Variants in SLC35E1 observed in about 807,000 individuals in gnomAD.
SLC35E1 encodes the protein solute carrier family 35, member E1.
A neutral mutation model predicts 31.0 loss-of-function variants in SLC35E1; 12 were observed. The observed-to-expected ratio is 0.39, with a 90% CI of 0.25 to 0.63. SLC35E1 has a LOEUF of 0.63. Among genes scored for constraint, SLC35E1 ranks in the 20% least tolerant of loss-of-function variants. SLC35E1 has a pLI of 0.52. For missense variants in SLC35E1, 429 were observed against 572.2 expected, an observed-to-expected ratio of 0.75 and a Z score of 2.55; for synonymous variants, 257 against 264.1, an observed-to-expected ratio of 0.97 and a Z score of 0.26.
In SLC35E1 at chr19:16,571,996, G is replaced by A. The variant is rs143308337; in HGVS notation, c.369C>T (p.Ser123=). Reference sequence around the variant, plus strand: ...TCCAGATGCTGACGTGCGCTGACACGGACGCGAAGTACTTGCCGAAGGCGA... The same window carrying A: ...TCCAGATGCTGACGTGCGCTGACACAGACGCGAAGTACTTGCCGAAGGCGA... The part of the protein sequence containing the change: ...LPLAFGKYFA[S]VSAHVSIWKV... Residue 123 remains serine (S), a synonymous_variant, in exon 1 of 6, where the codon TCC becomes TCT. Coordinates refer to ENST00000595753, the MANE Select transcript of SLC35E1 (RefSeq NM_024881.5). 432 of 1,546,954 alleles carry A rather than the reference G, an allele frequency of 2.8e-4. No individual in the cohort carries two copies. The African/African-American group carries it at 5.3e-3, about 19-fold the overall frequency.
At chr19:16,567,673 T>A (rs2085938827) in intron 3 of SLC35E1, among the ~76,000 whole-genome samples, 1 of 152,194 alleles carries the variant, frequency 6.6e-6, no homozygotes, top group South Asian at 2.1e-4. Context: ...GCAATTCTTG[T>A]GCCTCAGTGT....
intron 4 of SLC35E1, chr19:16,565,413 T>C: frequency 3.6e-6 from 1 of 278,736 alleles, no homozygotes; most frequent in Non-Finnish European, 7.2e-6. Context: ...TTTCACCATA[T>C]TGGTCAGGCT....
intron 4 of SLC35E1, chr19:16,565,191 T>C (rs1440575562): frequency 2.3e-6 from 1 of 430,406 alleles, no homozygotes. Context: ...AGGGAGGAAC[T>C]GAGCTGCACA....
At chr19:16,569,776 G>A (rs773935209) in intron 2 of SLC35E1, among the ~76,000 whole-genome samples, 2 of 152,170 alleles carry the variant, frequency 1.3e-5, no homozygotes, top group Admixed American at 6.5e-5. Context: ...CCCAGGAGGC[G>A]GAGCTTGCAG....
rs2085838149 is a variant in SLC35E1 at position 16,550,229 on chromosome 19, T to G, written c.*3450A>C. On this transcript the variant is annotated 3_prime_UTR_variant, in exon 6 of 6. Coordinates refer to ENST00000595753, the MANE Select transcript of SLC35E1 (RefSeq NM_024881.5). ...TCTCGCCATGGTGAACAAACATGAT[T>G]CAGAAATGCCTCCTTCTATAAAATG... The G allele has an allele frequency of 6.6e-6, 1 of 152,216 alleles. No homozygotes were observed. The highest frequency in any genetic ancestry group is 1.5e-5 in the Non-Finnish European group (1 of 68,046). 9.4% of individuals were successfully genotyped at this position (152,216 alleles called of 1,614,324 possible).
At chr19:16,571,659 G>T in intron 1 of SLC35E1, 77 bp from the exon 2 acceptor site, 1 of 1,493,566 alleles carries the variant, frequency 6.7e-7, no homozygotes, top group South Asian at 1.1e-5. Context: ...ACGGCGGGAT[G>T]GGAGGGCCTG....
At chr19:16,570,180 G>A (rs769207388) in intron 2 of SLC35E1, among the ~76,000 whole-genome samples, 2 of 152,178 alleles carry the variant, frequency 1.3e-5, no homozygotes, top group African/African-American at 4.8e-5. Flanking sequence ...ACAATGTCCC[G>A]TACAACGGGG....
At chr19:16,556,635 G>C (rs2085876310) in intron 4 of SLC35E1, among the ~76,000 whole-genome samples, 2 of 152,206 alleles carry the variant, frequency 1.3e-5, no homozygotes, top group Non-Finnish European at 2.9e-5. Context: ...AAAGAGCCTA[G>C]GCTGGTCCCA....
Position 16,560,899 on chromosome 19 carries a change from A to G in SLC35E1, c.757-5502T>C, listed in dbSNP as rs1051675248. On this transcript the variant is annotated intron_variant, in intron 4 of 5. Coordinates refer to ENST00000595753, the MANE Select transcript of SLC35E1 (RefSeq NM_024881.5). The stretch of plus-strand genomic sequence containing the variant: ...AAAAAACCAAAAAAAAAAAAAAAAA[A>G]AGAGAAAAAGCCTAACAGGCATCCA... 1.2e-4 allele frequency among the ~76,000 whole-genome samples: 18 copies of G among 149,636 alleles called. 1 individual carries two copies. Among genetic ancestry groups the G allele is most frequent in the South Asian group, 2.1e-4 (1 of 4,732 alleles).
Position 16,550,265 on chromosome 19 carries a change from G to A in SLC35E1, c.*3414C>T, listed in dbSNP as rs1237075654. ...TCCTTCTATAAAATGAAGGAGCTGGGTTGGAGTCAGTATTACCAGCCAGAC... is the reference window on the plus strand; with the variant it reads ...TCCTTCTATAAAATGAAGGAGCTGGATTGGAGTCAGTATTACCAGCCAGAC... On this transcript the variant is annotated 3_prime_UTR_variant, in exon 6 of 6. Coordinates refer to ENST00000595753, the MANE Select transcript of SLC35E1 (RefSeq NM_024881.5). 3 of 152,236 alleles carry A rather than the reference G, an allele frequency of 2.0e-5. No individual in the cohort carries two copies. Among genetic ancestry groups the A allele is most frequent in the Non-Finnish European group, 4.4e-5 (3 of 68,046 alleles). The allele number at this position is 152,236 out of a possible 1,614,324, so 9.4% of individuals were successfully genotyped here. A position where few individuals can be genotyped will look rare whatever the true frequency, so the allele number is the denominator to read the frequency against.
chr19:16,570,509 A>C (rs565426752), intron 2 of SLC35E1, among the ~76,000 whole-genome samples: 45 of 152,320 alleles, frequency 3.0e-4, no homozygotes, highest in Non-Finnish European at 5.7e-4. Context: ...CAAGCGCCCA[A>C]CTTCCACTTA....
chr19:16,563,390 G>A (rs1374069930), intron 4 of SLC35E1, among the ~76,000 whole-genome samples: 8 of 152,118 alleles, frequency 5.3e-5, no homozygotes, highest in African/African-American at 9.7e-5. Flanking sequence ...AGGACAGAGG[G>A]TGATTATACA....
chr19:16,559,272 C>T (rs1045511689), intron 4 of SLC35E1, among the ~76,000 whole-genome samples: 3 of 151,568 alleles, frequency 2.0e-5, no homozygotes, highest in Admixed American at 6.6e-5. Flanking sequence ...GCCGAGATCC[C>T]GCCACTGCAC....
Position 16,572,121 on chromosome 19 carries a change from C to T in SLC35E1, c.244G>A (p.Val82Met). The T allele has an allele frequency of 6.6e-7, 1 of 1,508,864 alleles. No homozygotes were observed. The highest frequency in any genetic ancestry group is 8.9e-7 in the Non-Finnish European group (1 of 1,129,442). 93.5% of individuals were successfully genotyped at this position (1,508,864 alleles called of 1,614,324 possible). A position where few individuals can be genotyped will look rare whatever the true frequency, so the allele number is the denominator to read the frequency against. ...CCCGAGACGGGCGGCGCGGGGGGCA[C>T]GCGCCAGGCGCGCAGCAGCGGCGGG... ...GLPPLLRAWR[V>M]PPAPPVSGPG... The change falls in exon 1 of 6, where the codon GTG becomes ATG. Residue 82 changes from valine to methionine, a missense_variant. Physicochemically the swap from Val to Met is conservative, Grantham distance 21. Coordinates refer to ENST00000595753, the MANE Select transcript of SLC35E1 (RefSeq NM_024881.5). The surrounding 1 kb of genome is among the most constrained non-coding windows in gnomAD (Gnocchi z 4.1).
At chr19:16,560,808 G>C (rs1212138571) in intron 4 of SLC35E1, among the ~76,000 whole-genome samples, 3 of 134,728 alleles carry the variant, frequency 2.2e-5, no homozygotes, top group Non-Finnish European at 3.0e-5. Flanking sequence ...GTTAGAGTAA[G>C]CTAAGATCGT....
At chr19:16,558,500 C>T (rs868430046) in intron 4 of SLC35E1, among the ~76,000 whole-genome samples, 2 of 151,868 alleles carry the variant, frequency 1.3e-5, no homozygotes, top group African/African-American at 4.8e-5. Flanking sequence ...CCACACCTGG[C>T]TAATTTTTCT....
intron 4 of SLC35E1, among the ~76,000 whole-genome samples, chr19:16,561,327 C>T (rs548469097): frequency 5.6e-4 from 85 of 151,178 alleles, no homozygotes; most frequent in Admixed American, 9.9e-4. Flanking sequence ...ATTCTCCAGA[C>T]TCCAAGCAGA....
At chr19:16,566,485 T>G in intron 4 of SLC35E1, 47 bp downstream of exon 4, 1 of 1,610,010 alleles carries the variant, frequency 6.2e-7, no homozygotes, top group South Asian at 1.1e-5. Flanking sequence ...GCACCTATTC[T>G]GGAACTAGCC....
At position 16,553,850 on chromosome 19, in the gene SLC35E1, G is replaced by T. The variant is rs148657007; in HGVS notation, c.1062C>A (p.Asp354Glu). The change falls in exon 6 of 6, where the codon GAC becomes GAA. Residue 354 changes from aspartate to glutamate, a missense_variant. By Grantham distance (45) the Asp-to-Glu change is conservative. Coordinates refer to ENST00000595753, the MANE Select transcript of SLC35E1 (RefSeq NM_024881.5). Reference protein sequence around the residue: ...RKHLLPVTTADLSSKERHRSP... With the variant: ...RKHLLPVTTAELSSKERHRSP... ...TCCGGTGACGCTCCTTGCTGCTCAG[G>T]TCTGCTGTGGTGACGGGGAGGAGGT... 2 of 1,613,804 alleles carry T rather than the reference G, an allele frequency of 1.2e-6. No homozygotes were observed. Among genetic ancestry groups the T allele is most frequent in the Admixed American group, 3.3e-5 (2 of 59,992 alleles).
Sources: allele counts gnomAD v4.1 joint callset (sites outside exome capture counted in the v4.1 genomes callset), GRCh38; gene constraint gnomAD v4.1.1; non-coding constraint Gnocchi (gnomAD v3.1); transcripts MANE v1.5; gene names NCBI Gene and HGNC (gene_info 2026-07-23, HGNC 2026-07-21).